Variants in DLGAP2 observed in about 807,000 individuals in gnomAD.
The protein encoded by DLGAP2 is disks large-associated protein 2.
Under a neutral mutation model 100.3 loss-of-function variants are expected in DLGAP2, and 26 were observed. That is an observed-to-expected ratio of 0.26 (90% CI 0.19 to 0.36). The LOEUF (loss-of-function observed/expected upper bound fraction) is 0.36, where lower values mean the gene tolerates loss of function less well. DLGAP2 is among the 10% of genes least tolerant of loss of function. DLGAP2 has a pLI of 1.00. For missense variants in DLGAP2, 1,858 were observed against 1,453.2 expected, an observed-to-expected ratio of 1.28 and a Z score of -4.53; for synonymous variants, 886 against 630.1, an observed-to-expected ratio of 1.41 and a Z score of -6.08.
At position 1,207,745 on chromosome 8, in the gene DLGAP2, A is replaced by G. The variant is rs1798025545; in HGVS notation, c.74-51106A>G. 2.0e-5 allele frequency among the ~76,000 whole-genome samples: 3 copies of G among 152,172 alleles called. No homozygotes were observed. The South Asian group carries it at 6.2e-4, about 32-fold the overall frequency. Reference sequence around the variant, plus strand: ...CCAACATCTATTTTTTTATTTTTTAATTATGATCATTGTTGCAGGAGTGAG... The same window carrying G: ...CCAACATCTATTTTTTTATTTTTTAGTTATGATCATTGTTGCAGGAGTGAG... On this transcript the variant is annotated intron_variant, in intron 2 of 14. Coordinates refer to ENST00000637795, the MANE Select transcript of DLGAP2 (RefSeq NM_001346810.2).
At chr8:793,614 C>T (rs1453319227) in intron 1 of DLGAP2, among the ~76,000 whole-genome samples, 1 of 152,184 alleles carries the variant, frequency 6.6e-6, no homozygotes, top group African/African-American at 2.4e-5. Context: ...TCTTCTGAGA[C>T]TTCCTGGACT....
intron 2 of DLGAP2, among the ~76,000 whole-genome samples, chr8:1,257,682 G>A (rs992963925): frequency 1.3e-5 from 2 of 151,614 alleles, no homozygotes; most frequent in African/African-American, 4.9e-5. Context: ...CTGAGGGCCC[G>A]TGCAGGCCAG....
chr8:1,317,591 T>C (rs1457401436), intron 3 of DLGAP2, among the ~76,000 whole-genome samples: 1 of 139,170 alleles, frequency 7.2e-6, no homozygotes, highest in Non-Finnish European at 1.5e-5. Context: ...CGTTTAAAAA[T>C]ACAGGCTGTG....
rs1491580269 is a variant in DLGAP2, at chr8:795,631, GGC to G, written c.18+57808_18+57809del. On this transcript the variant is annotated intron_variant, in intron 1 of 14. Coordinates refer to ENST00000637795, the MANE Select transcript of DLGAP2 (RefSeq NM_001346810.2). Reference sequence around the variant, plus strand: ...ATGGAGCAGGTGTCCAGTGAGAGCAGGCGTCCAGTGAGAGCAGGCGTCCAGTG... The same window carrying G: ...ATGGAGCAGGTGTCCAGTGAGAGCAGGTCCAGTGAGAGCAGGCGTCCAGTG... Among the ~76,000 whole-genome samples, 318 of 131,424 alleles carry G rather than the reference GGC, an allele frequency of 2.4e-3. 3 individuals carry two copies. The highest frequency in any genetic ancestry group is 7.4e-3 in the South Asian group (29 of 3,916). The allele number at this position is 131,424 out of a possible 152,430, so 86.2% of individuals were successfully genotyped here. A position where few individuals can be genotyped will look rare whatever the true frequency, so the allele number is the denominator to read the frequency against.
intron 4 of DLGAP2, among the ~76,000 whole-genome samples, chr8:1,515,804 C>T (rs879304230): frequency 2.0e-5 from 3 of 152,250 alleles, no homozygotes; most frequent in Non-Finnish European, 4.4e-5. Context: ...TCTGCCCCTC[C>T]AGTCTGTTCC....
At chr8:1,106,455 C>A (rs1322743709) in intron 2 of DLGAP2, among the ~76,000 whole-genome samples, 15 of 146,842 alleles carry the variant, frequency 1.0e-4, no homozygotes, top group African/African-American at 3.8e-4. Context: ...GGAGGCCATT[C>A]AAGGAGGGTT....
At chr8:1,554,005 G>C (rs1346999630) in intron 5 of DLGAP2, among the ~76,000 whole-genome samples, 1 of 152,212 alleles carries the variant, frequency 6.6e-6, no homozygotes, top group East Asian at 1.9e-4. Flanking sequence ...GCTTGTCACA[G>C]GGCCAGGCAC....
intron 2 of DLGAP2, among the ~76,000 whole-genome samples, chr8:1,210,632 C>G (rs1033296246): frequency 2.0e-5 from 3 of 152,186 alleles, no homozygotes; most frequent in African/African-American, 4.8e-5. Flanking sequence ...GGCCTAGTTC[C>G]CTCTTGCCAT....
intron 3 of DLGAP2, among the ~76,000 whole-genome samples, chr8:1,276,481 G>A (rs754910631): frequency 4.6e-5 from 7 of 152,244 alleles, no homozygotes; most frequent in South Asian, 4.1e-4. Context: ...GGCTGCTGAG[G>A]CGGCATCTTC....
chr8:1,083,890 A>G (rs1348477669), intron 2 of DLGAP2, among the ~76,000 whole-genome samples: 1 of 152,246 alleles, frequency 6.6e-6, no homozygotes, highest in Non-Finnish European at 1.5e-5. Flanking sequence ...TGGCTAATAA[A>G]GAACTGTGTT....
At chr8:1,007,920 C>G (rs192343220) in intron 2 of DLGAP2, among the ~76,000 whole-genome samples, 6 of 152,090 alleles carry the variant, frequency 3.9e-5, no homozygotes, top group East Asian at 3.9e-4. Flanking sequence ...GGAATCAACC[C>G]ACTCCATGGC....
rs563615082 is a variant in DLGAP2, at chr8:1,340,705, G to C, written c.106+81822G>C. Among the ~76,000 whole-genome samples, 189 of 152,282 alleles carry C rather than the reference G, an allele frequency of 1.2e-3. 1 individual carries two copies. The highest frequency in any genetic ancestry group is 4.3e-3 in the African/African-American group (178 of 41,546). On this transcript the variant is annotated intron_variant, in intron 3 of 14. Coordinates refer to ENST00000637795, the MANE Select transcript of DLGAP2 (RefSeq NM_001346810.2). ...GGAGACCTAAAGACAAACACCATTG[G>C]ACTCAGCAATGCCATTAGTGGGTAT...
chr8:1,391,565 A>G (rs11136390), intron 3 of DLGAP2, among the ~76,000 whole-genome samples: 65,557 of 152,022 alleles, frequency 0.43, 14,223 homozygotes, highest in South Asian at 0.52. Flanking sequence ...CTACCAGCAC[A>G]TGTTCCACCA....
At chr8:1,341,001 A>G (rs1359586235) in intron 3 of DLGAP2, among the ~76,000 whole-genome samples, 1 of 152,198 alleles carries the variant, frequency 6.6e-6, no homozygotes, top group South Asian at 2.1e-4. Flanking sequence ...CAAATACTGC[A>G]TGTTCTCACC....
At chr8:866,768 G>A (rs536098023) in intron 1 of DLGAP2, among the ~76,000 whole-genome samples, 2 of 152,230 alleles carry the variant, frequency 1.3e-5, no homozygotes, top group African/African-American at 4.8e-5. Flanking sequence ...TTCTAGAATC[G>A]ACCGTTTCTC....
chr8:1,331,832 C>A (rs527623334), intron 3 of DLGAP2, among the ~76,000 whole-genome samples: 1 of 152,174 alleles, frequency 6.6e-6, no homozygotes, highest in Admixed American at 6.5e-5. Flanking sequence ...CAGGCAGGAG[C>A]AGAGGGAGAG....
intron 2 of DLGAP2, among the ~76,000 whole-genome samples, chr8:1,108,791 T>G (rs1366159953): frequency 3.4e-4 from 44 of 131,266 alleles, no homozygotes; most frequent in Non-Finnish European, 6.5e-4. Context: ...GTGTGCTGGG[T>G]CTGTGAGGTG....
At chr8:1,234,362 C>G (rs1275734559) in intron 2 of DLGAP2, among the ~76,000 whole-genome samples, 1 of 152,180 alleles carries the variant, frequency 6.6e-6, no homozygotes, top group Non-Finnish European at 1.5e-5. Context: ...GGCATCTCTC[C>G]TAATTCCTGG....
At chr8:1,161,851 C>T (rs1796896561) in intron 2 of DLGAP2, among the ~76,000 whole-genome samples, 1 of 152,238 alleles carries the variant, frequency 6.6e-6, no homozygotes, top group Non-Finnish European at 1.5e-5. Context: ...TTCCTGTGCT[C>T]ACGGCCTGCA....
Sources: gnomAD v4.1 joint callset for allele counts (sites outside exome capture counted in the v4.1 genomes callset) on GRCh38, gnomAD v4.1.1 for gene constraint, MANE v1.5 for transcripts, NCBI Gene and HGNC (gene_info 2026-07-23, HGNC 2026-07-21) for gene names.